PRORP: variants seen among roughly 807,000 people sequenced by gnomAD.
The protein encoded by PRORP is protein only RNase P catalytic subunit, also known as mitochondrial ribonuclease P catalytic subunit.
In PRORP, 51 loss-of-function variants were observed where a neutral mutation model predicts 59.4. The ratio of observed to expected loss-of-function variants is 0.86; its 90% CI spans 0.69 to 1.08. The LOEUF (loss-of-function observed/expected upper bound fraction) is 1.08, where lower values mean the gene tolerates loss of function less well. Among genes scored for constraint, PRORP ranks in the 50% least tolerant of loss-of-function variants. PRORP has a pLI of 0.00. For missense variants in PRORP, 646 were observed against 690.3 expected, an observed-to-expected ratio of 0.94 and a Z score of 0.72; for synonymous variants, 231 against 245.6, an observed-to-expected ratio of 0.94 and a Z score of 0.55.
intron 5 of PRORP, among the ~76,000 whole-genome samples, chr14:35,261,468 C>T (rs952171466): frequency 9.9e-5 from 15 of 152,142 alleles, no homozygotes; most frequent in African/African-American, 3.1e-4. Flanking sequence ...CGGTGGCTCA[C>T]GCCTGTAATC....
chr14:35,204,161 T>G (rs2049231246), intron 5 of PRORP, among the ~76,000 whole-genome samples: 1 of 152,252 alleles, frequency 6.6e-6, no homozygotes, highest in Non-Finnish European at 1.5e-5. Flanking sequence ...TAATTTTTTT[T>G]CTTCCACTTT....
intron 4 of PRORP, among the ~76,000 whole-genome samples, chr14:35,175,177 A>G (rs953094275): frequency 4.0e-5 from 6 of 151,896 alleles, no homozygotes; most frequent in Non-Finnish European, 8.8e-5. Flanking sequence ...AGTCTTTGCT[A>G]TTGTGAACAG....
chr14:35,253,377 A>G (rs954795175), intron 5 of PRORP, among the ~76,000 whole-genome samples: 4 of 147,906 alleles, frequency 2.7e-5, no homozygotes, highest in Middle Eastern at 3.4e-3. Context: ...AAGAAAGAAA[A>G]GAAAGAAAGA....
chr14:35,203,962 A>G (rs1450774066), intron 5 of PRORP, among the ~76,000 whole-genome samples: 1 of 152,228 alleles, frequency 6.6e-6, no homozygotes, highest in Non-Finnish European at 1.5e-5. Context: ...AGAACATCCT[A>G]AGGTTATTTA....
upstream of PRORP, chr14:35,121,867 G>T (rs2046912780): frequency 6.2e-7 from 1 of 1,612,808 alleles, no homozygotes; most frequent in Non-Finnish European, 8.5e-7. Context: ...TTTAGGGCCG[G>T]GCCATCCCAA....
In PRORP at chr14:35,218,485, A is replaced by AAG. The variant is rs1348565728; in HGVS notation, c.1275+37708_1275+37709insAG. ...AAAAAAAGAAAAAAAAAAAAAAAAA[A>AAG]CCAACAACAAAACACAACAGAACAC... On this transcript the variant is annotated intron_variant, in intron 5 of 7. Transcript: ENST00000534898. 9.2e-4 allele frequency among the ~76,000 whole-genome samples: 122 copies of AAG among 133,112 alleles called. 4 individuals carry two copies. Among genetic ancestry groups the AAG allele is most frequent in the African/African-American group, 2.9e-3 (102 of 35,036 alleles). 87.3% of individuals were successfully genotyped at this position (133,112 alleles called of 152,430 possible).
chr14:35,166,625 G>T (rs1437206839), intron 4 of PRORP, among the ~76,000 whole-genome samples: 1 of 151,588 alleles, frequency 6.6e-6, no homozygotes, highest in Non-Finnish European at 1.5e-5. Flanking sequence ...AATTTTTTTG[G>T]TATTTTTAGT....
Position 35,127,603 on chromosome 14 carries a change from A to C in PRORP, c.1159A>C (p.Thr387Pro), listed in dbSNP as rs759407337. ...TGGAGGTGACCAGTACAGAAAGACA[A>C]CACCTCAGGTGAGTCTAACAAGTTT... Reference protein sequence around the residue: ...IDGGDQYRKTTPQELKRFENF... With the variant: ...IDGGDQYRKTPPQELKRFENF... Residue 387 changes from threonine (T) to proline (P), a missense_variant, in exon 4 of 8, where the codon ACA becomes CCA. Coordinates refer to ENST00000534898, the MANE Select transcript of PRORP (RefSeq NM_014672.4). The C allele has an allele frequency of 2.5e-6, 4 of 1,614,018 alleles. No homozygotes were observed. Among genetic ancestry groups the C allele is most frequent in the Non-Finnish European group, 3.4e-6 (4 of 1,179,954 alleles).
intron 5 of PRORP, 124 bp from the exon 6 acceptor site, chr14:35,266,603 A>T (rs1281028796): frequency 1.0e-6 from 1 of 972,884 alleles, no homozygotes; most frequent in Non-Finnish European, 1.6e-6. Context: ...ATTATTGTGG[A>T]TTGTTTTCTT....
intron 4 of PRORP, among the ~76,000 whole-genome samples, chr14:35,132,664 G>A (rs1410461359): frequency 1.3e-5 from 2 of 151,544 alleles, no homozygotes; most frequent in African/African-American, 4.8e-5. Context: ...GTGCGTGCCT[G>A]TAATCCTACC....
At chr14:35,230,461 G>A (rs1452585397) in intron 5 of PRORP, among the ~76,000 whole-genome samples, 1 of 152,178 alleles carries the variant, frequency 6.6e-6, no homozygotes, top group Non-Finnish European at 1.5e-5. Flanking sequence ...TCTTTGAGCG[G>A]GAGAAAGTAA....
At chr14:35,226,114 C>G (rs2049927493) in intron 5 of PRORP, among the ~76,000 whole-genome samples, 1 of 152,078 alleles carries the variant, frequency 6.6e-6, no homozygotes, top group Admixed American at 6.6e-5. Context: ...AACAAAGACC[C>G]TCTGTTGTTA....
intron 5 of PRORP, among the ~76,000 whole-genome samples, chr14:35,184,418 T>C (rs2048693463): frequency 6.6e-6 from 1 of 152,198 alleles, no homozygotes; most frequent in Non-Finnish European, 1.5e-5. Flanking sequence ...TGTCATTGCC[T>C]GGGTGTGTAC....
chr14:35,241,214 C>T (rs764569871), intron 5 of PRORP, among the ~76,000 whole-genome samples: 14 of 151,986 alleles, frequency 9.2e-5, no homozygotes, highest in Non-Finnish European at 2.1e-4. Context: ...CCTGTCTCTA[C>T]TAAAAATACA....
Position 35,218,465 on chromosome 14 carries a change from A to G in PRORP, c.1275+37688A>G, listed in dbSNP as rs1423003362. On this transcript the variant is annotated intron_variant, in intron 5 of 7. Coordinates refer to ENST00000534898, the MANE Select transcript of PRORP (RefSeq NM_014672.4). Reference sequence around the variant, plus strand: ...AACAGAGCAAGATCCTGTCTAAAAAAAGAAAAAAAAAAAAAAAAAACCAAC... The same window carrying G: ...AACAGAGCAAGATCCTGTCTAAAAAGAGAAAAAAAAAAAAAAAAAACCAAC... Among the ~76,000 whole-genome samples the G allele has an allele frequency of 6.9e-5, 10 of 144,116 alleles. No homozygotes were observed. In the East Asian group the frequency reaches 2.0e-3, roughly 28 times the overall value. 94.5% of individuals were successfully genotyped at this position (144,116 alleles called of 152,430 possible). A position where few individuals can be genotyped will look rare whatever the true frequency, so the allele number is the denominator to read the frequency against.
At chr14:35,172,290 G>A (rs988039607) in intron 4 of PRORP, among the ~76,000 whole-genome samples, 6 of 151,550 alleles carry the variant, frequency 4.0e-5, no homozygotes, top group Admixed American at 1.3e-4. Flanking sequence ...CTCAGGTGAG[G>A]CACCTGCCTC....
At chr14:35,234,566 C>T (rs115714305) in intron 5 of PRORP, among the ~76,000 whole-genome samples, 107 of 152,218 alleles carry the variant, frequency 7.0e-4, no homozygotes, top group African/African-American at 2.4e-3. Flanking sequence ...AAGGCTCCTA[C>T]GCCCCTAGCC....
intron 7 of PRORP, among the ~76,000 whole-genome samples, chr14:35,270,824 C>T (rs1337228887): frequency 6.6e-6 from 1 of 152,064 alleles, no homozygotes; most frequent in Non-Finnish European, 1.5e-5. Context: ...TGGCTCACAC[C>T]TGTAATCCCA....
chr14:35,150,061 G>T (rs1271661012), intron 4 of PRORP, among the ~76,000 whole-genome samples: 2 of 152,122 alleles, frequency 1.3e-5, no homozygotes, highest in African/African-American at 4.8e-5. Flanking sequence ...TCCCAGGCTG[G>T]TCTGGAACTT....
Sources: gnomAD v4.1 joint callset for allele counts (sites outside exome capture counted in the v4.1 genomes callset) on GRCh38, gnomAD v4.1.1 for gene constraint, MANE v1.5 for transcripts, NCBI Gene and HGNC (gene_info 2026-07-23, HGNC 2026-07-21) for gene names.